KCTD15: variants seen among roughly 807,000 people sequenced by gnomAD.
KCTD15 encodes potassium channel tetramerization domain containing 15.
In KCTD15, 11 loss-of-function variants were observed where a neutral mutation model predicts 27.2. The ratio of observed to expected loss-of-function variants is 0.41; its 90% CI spans 0.25 to 0.67. KCTD15 has a LOEUF of 0.67. Ranked by LOEUF, KCTD15 falls within the 30% of genes least tolerant of loss-of-function variation. The probability of loss-of-function intolerance (pLI) is 0.35; values close to 1 mark genes in which losing one functional copy is unlikely to be tolerated. For missense variants in KCTD15, 350 were observed against 409.3 expected (o/e 0.86, Z 1.25); for synonymous variants, 163 against 176.0 (o/e 0.93, Z 0.58).
At chr19:33,803,836 G>A (rs1238213641) in intron 4 of KCTD15, among the ~76,000 whole-genome samples, 2 of 150,294 alleles carry the variant, frequency 1.3e-5, no homozygotes, top group African/African-American at 4.9e-5. Flanking sequence ...GGAAATTGGA[G>A]CCAGAGCTTA....
At chr19:33,794,365 A>G (rs1975261634), upstream of KCTD15, among the ~76,000 whole-genome samples, 1 of 152,278 alleles carries the variant, frequency 6.6e-6, no homozygotes, top group African/African-American at 2.4e-5. Context: ...ATGTTAAATC[A>G]TGAATACCCA....
rs894504708 is a variant in KCTD15 at position 33,812,912 on chromosome 19, C to T, written c.816C>T (p.Pro272=). Residue 272 remains proline (P), a synonymous_variant, in exon 7 of 7, where the codon CCC becomes CCT. Transcript: ENST00000683859. The part of the protein sequence containing the change: ...CREERRPQPT[P]TAVRIKQEPL... Reference sequence around the variant, plus strand: ...AGGAGCGGCGGCCGCAGCCCACCCCCACTGCTGTTCGAATCAAGCAGGAAC... The same window carrying T: ...AGGAGCGGCGGCCGCAGCCCACCCCTACTGCTGTTCGAATCAAGCAGGAAC... 2.3e-5 allele frequency: 36 copies of T among 1,549,616 alleles called. No homozygotes were observed. The highest frequency in any genetic ancestry group is 3.3e-4 in the Middle Eastern group (2 of 6,006).
At position 33,801,229 on chromosome 19, in the gene KCTD15, G is replaced by C; in HGVS notation, c.129G>C (p.Gln43His). 6.2e-7 allele frequency: 1 copy of C among 1,613,432 alleles called. No individual in the cohort carries two copies. Among genetic ancestry groups the C allele is most frequent in the Non-Finnish European group, 8.5e-7 (1 of 1,179,794 alleles). The change falls in exon 4 of 7, where the codon CAG becomes CAC. Residue 43 changes from glutamine (Q) to histidine (H), a missense_variant. Physicochemically the swap from Gln to His is conservative, Grantham distance 24 (BLOSUM62 0). Around this residue, in one of 3 missense-constraint regions of KCTD15, gnomAD observed 77 missense variants for 72.7 expected, o/e 1.06. Coordinates refer to ENST00000683859, the MANE Select transcript of KCTD15 (RefSeq NM_001129994.2). ...TRSPVSPLAA[Q>H]GIPLPAQLTK... ...CGCCTGTGTCTCCCCTGGCTGCCCA[G>C]GGCATCCCCCTGCCAGCCCAGCTCA...
At chr19:33,809,329 T>C (rs990736258) in intron 5 of KCTD15, among the ~76,000 whole-genome samples, 2 of 152,094 alleles carry the variant, frequency 1.3e-5, no homozygotes, top group Admixed American at 6.5e-5. Context: ...TATTTACTTT[T>C]CATAAGTAAA....
rs1006837350 is a variant in KCTD15 at position 33,811,624 on chromosome 19, C to T, written c.693+72C>T. The T allele has an allele frequency of 2.6e-6, 4 of 1,546,462 alleles. No homozygotes were observed. The Admixed American group carries it at 5.6e-5, about 22-fold the overall frequency. The stretch of plus-strand genomic sequence containing the variant: ...CGGAGCCCTCCAGGGGCAGAGTGAG[C>T]TGGAGGGAGGCGCGATCCCTGAAAC... On this transcript the variant is annotated intron_variant, in intron 6 of 6. Coordinates refer to ENST00000683859, the MANE Select transcript of KCTD15 (RefSeq NM_001129994.2).
intron 1 of KCTD15, chr19:33,797,370 G>A (rs1419266727): frequency 6.6e-6 from 3 of 454,422 alleles, no homozygotes; most frequent in African/African-American, 2.0e-5. Flanking sequence ...GCGAGTTTCC[G>A]GGGTCAGAAA....
At chr19:33,807,236 C>T (rs1436683368) in intron 5 of KCTD15, among the ~76,000 whole-genome samples, 1 of 152,238 alleles carries the variant, frequency 6.6e-6, no homozygotes, top group Admixed American at 6.5e-5. Context: ...CCCAGCTGAA[C>T]ATTTGTCGTG....
At chr19:33,805,811 C>G (rs1975692561) in intron 4 of KCTD15, among the ~76,000 whole-genome samples, 1 of 152,222 alleles carries the variant, frequency 6.6e-6, no homozygotes, top group Non-Finnish European at 1.5e-5. Context: ...TCTGCCAGGG[C>G]AGTTGCCAAA....
At position 33,812,809 on chromosome 19, in the gene KCTD15, A is replaced by G. The variant is rs376452138; in HGVS notation, c.713A>G (p.Gln238Arg). Residue 238 changes from glutamine to arginine, a missense_variant, in exon 7 of 7, where the codon CAG becomes CGG. Gln to Arg is a conservative substitution (Grantham distance 43). Coordinates refer to ENST00000683859, the MANE Select transcript of KCTD15 (RefSeq NM_001129994.2). ...NSVQVLERLF[Q>R]RGFSVAASCG... ...GGGCAGGTCCTGGAGCGGCTGTTCC[A>G]GAGGGGTTTCAGCGTGGCTGCGTCC... is the stretch of plus-strand genomic sequence containing the variant. The G allele has an allele frequency of 3.3e-5, 50 of 1,494,586 alleles. No individual in the cohort carries two copies. The highest frequency in any genetic ancestry group is 4.0e-5 in the Non-Finnish European group (45 of 1,117,834). The allele number at this position is 1,494,586 out of a possible 1,614,324, so 92.6% of individuals were successfully genotyped here.
At chr19:33,811,616 A>G (rs2145495377) in intron 6 of KCTD15, 64 bp downstream of exon 6, 1 of 1,554,888 alleles carries the variant, frequency 6.4e-7, no homozygotes, top group Non-Finnish European at 8.7e-7. Context: ...CTCCAGGGGC[A>G]GAGTGAGCTG....
intron 1 of KCTD15, chr19:33,797,311 G>A: frequency 2.5e-6 from 1 of 396,520 alleles, no homozygotes; most frequent in Non-Finnish European, 5.0e-6. Flanking sequence ...CGCTTGTGGA[G>A]GTCCCCGCAC....
At chr19:33,796,690 G>A (rs1215817791), upstream of KCTD15, among the ~76,000 whole-genome samples, 1 of 147,824 alleles carries the variant, frequency 6.8e-6, no homozygotes, top group Non-Finnish European at 1.5e-5. Flanking sequence ...GGCAGCCGGA[G>A]AGCGGCGCGA....
intron 1 of KCTD15, chr19:33,798,222 C>G (rs941335564): frequency 6.6e-6 from 1 of 152,178 alleles, no homozygotes; most frequent in African/African-American, 2.4e-5. Flanking sequence ...GAGGGGAGCT[C>G]GAGAGGCGCC....
At chr19:33,795,603 C>T (rs1346943011), upstream of KCTD15, among the ~76,000 whole-genome samples, 1 of 151,990 alleles carries the variant, frequency 6.6e-6, no homozygotes, top group African/African-American at 2.4e-5. Flanking sequence ...GCCGGCCAGT[C>T]GCGCGCTCCG....
rs1975528990 is a variant in KCTD15, at chr19:33,801,190, G to A, written c.90G>A (p.Leu30=). ...AGGAGGGAGGAAACATGTCCCGGCT[G>A]TCTCTCACCCGGTCGCCTGTGTCTC... ...GTAEGGNMSR[L]SLTRSPVSPL... The change falls in exon 4 of 7, where the codon CTG becomes CTA. Residue 30 remains leucine, a synonymous_variant. Transcript: ENST00000683859. 1 of 1,609,362 alleles carries A rather than the reference G, an allele frequency of 6.2e-7. No homozygotes were observed. Among genetic ancestry groups the A allele is most frequent in the African/African-American group, 1.3e-5 (1 of 74,724 alleles).
Position 33,801,256 on chromosome 19 carries a change from C to T in KCTD15, c.156C>T (p.Thr52=), listed in dbSNP as rs1218831282. The change falls in exon 4 of 7, where the codon ACC becomes ACT. Residue 52 remains threonine (T), a synonymous_variant. Transcript: ENST00000683859. ...GCATCCCCCTGCCAGCCCAGCTCAC[C>T]AAGTCCAATGCACCTGTGCACATCG... The part of the protein sequence containing the change: ...AQGIPLPAQL[T]KSNAPVHIDV... The T allele has an allele frequency of 6.2e-7, 1 of 1,613,658 alleles. No individual in the cohort carries two copies. Among genetic ancestry groups the T allele is most frequent in the Admixed American group, 1.7e-5 (1 of 59,988 alleles).
intron 5 of KCTD15, 38 bp downstream of exon 5, chr19:33,807,045 G>A (rs754295747): frequency 6.2e-6 from 10 of 1,605,774 alleles, no homozygotes. Flanking sequence ...CACTGCCTGT[G>A]TGATGGCATT....
intron 5 of KCTD15, among the ~76,000 whole-genome samples, chr19:33,810,859 G>C (rs1448454080): frequency 1.3e-5 from 2 of 151,878 alleles, no homozygotes; most frequent in Non-Finnish European, 2.9e-5. Context: ...GCTGCCCTGT[G>C]CCCAGCATGA....
At chr19:33,806,758 CGCCCCTCCAGCCGTGTG>C in intron 4 of KCTD15, 88 bp from the exon 5 acceptor site, 1 of 1,329,186 alleles carries the variant, frequency 7.5e-7, no homozygotes, top group Non-Finnish European at 1.0e-6. Context: ...TCAGGTCCCT[CGCCCCTCCAGCCGTGTG>C]GGCCCTCAGG....
Sources: gnomAD v4.1 joint callset for allele counts (sites outside exome capture counted in the v4.1 genomes callset) on GRCh38, gnomAD v4.1.1 for gene constraint, gnomAD v4.1.1 regional missense constraint, MANE v1.5 for transcripts, NCBI Gene and HGNC (gene_info 2026-07-23, HGNC 2026-07-21) for gene names.